The following FAM161A variants were observed in gnomAD, a reference collection of about 807,000 sequenced individuals.
FAM161A encodes the protein FAM161 centrosomal protein A, also known as protein FAM161A.
Under a neutral mutation model 70.9 loss-of-function variants are expected in FAM161A, and 57 were observed. The observed-to-expected ratio is 0.80, with a 90% CI of 0.65 to 1.00. The LOEUF (loss-of-function observed/expected upper bound fraction) is 1.00, where lower values mean the gene tolerates loss of function less well. Ranked by LOEUF, FAM161A falls within the 50% of genes least tolerant of loss-of-function variation. The probability of loss-of-function intolerance (pLI) is 0.00; values close to 1 mark genes in which losing one functional copy is unlikely to be tolerated. For synonymous variants in FAM161A, 299 were observed against 295.7 expected (o/e 1.01, Z -0.12); for missense variants, 880 against 836.0 (o/e 1.05, Z -0.65).
intron 4 of FAM161A, 126 bp from the exon 5 acceptor site, chr2:61,836,235 C>G: frequency 1.3e-6 from 1 of 761,772 alleles, no homozygotes; most frequent in Admixed American, 2.4e-5. Flanking sequence ...TTTAGCTTAG[C>G]TGACAAATCA....
At chr2:61,815,998 A>G in the FAM161A span, among the ~76,000 whole-genome samples, 4 of 152,104 alleles carry the variant, frequency 2.6e-5, no homozygotes, top group African/African-American at 4.8e-5. Flanking sequence ...TGGAAAATCA[A>G]TGTCTTTTCT....
chr2:61,826,588 T>C lies in FAM161A; in HGVS notation c.2018A>G (p.Glu673Gly). Residue 673 changes from glutamate to glycine, a missense_variant, in exon 7 of 7, where the codon GAA (glutamate) becomes GGA (glycine). By Grantham distance (98) the Glu-to-Gly change is moderately conservative (BLOSUM62 -2). Transcript: ENST00000404929. ...VTEDKESFNE[E>G]EKIEERENGE... ...ATTCTCTCTTTCTTCTATTTTTTCT[T>C]CTTCATTAAAGCTAGGGGAAGAAAT... 1.2e-6 allele frequency: 2 copies of C among 1,602,610 alleles called. No homozygotes were observed. The highest frequency in any genetic ancestry group is 1.7e-6 in the Non-Finnish European group (2 of 1,172,024).
chr2:61,850,790 C>A (rs7601630), intron 1 of FAM161A, among the ~76,000 whole-genome samples: 149,043 of 152,292 alleles, frequency 0.98, 72,941 homozygotes, highest in East Asian at 1. Context: ...AGAAGAAAAA[C>A]AATAGGTTCT....
At chr2:61,819,999 T>C (rs1413340127), downstream of FAM161A, among the ~76,000 whole-genome samples, 3 of 152,182 alleles carry the variant, frequency 2.0e-5, no homozygotes, top group Non-Finnish European at 4.4e-5. Flanking sequence ...CTAAGAGAAG[T>C]AAATGATGGA....
chr2:61,830,940 CTT>C (rs1379393694), intron 5 of FAM161A, among the ~76,000 whole-genome samples: 4 of 151,544 alleles, frequency 2.6e-5, no homozygotes, highest in African/African-American at 9.7e-5. Context: ...GAAACTTCGT[CTT>C]GACTAAAAAT....
chr2:61,852,655 G>T (rs1355396484), intron 1 of FAM161A, among the ~76,000 whole-genome samples: 2 of 152,038 alleles, frequency 1.3e-5, no homozygotes, highest in African/African-American at 4.8e-5. Flanking sequence ...GAACAAAATC[G>T]GTCCTAGCAC....
intron 2 of FAM161A, among the ~76,000 whole-genome samples, chr2:61,841,210 G>T (rs1352809912): frequency 6.6e-6 from 1 of 152,050 alleles, no homozygotes; most frequent in Non-Finnish European, 1.5e-5. Context: ...GAAACTTTTT[G>T]ATAATTCCTC....
chr2:61,851,704 T>C (rs1300716121), intron 1 of FAM161A, among the ~76,000 whole-genome samples: 1 of 150,978 alleles, frequency 6.6e-6, no homozygotes, highest in African/African-American at 2.4e-5. Context: ...TGACTAAGGC[T>C]AGATTCAAGG....
chr2:61,850,026 C>T (rs1673444275), intron 1 of FAM161A, among the ~76,000 whole-genome samples: 1 of 152,090 alleles, frequency 6.6e-6, no homozygotes, highest in South Asian at 2.1e-4. Flanking sequence ...TATTGGGTAC[C>T]ATGCTCACTA....
In FAM161A at chr2:61,845,773, C is replaced by T. The variant is rs142996732; in HGVS notation, c.184-3413G>A. Among the ~76,000 whole-genome samples, 669 of 149,398 alleles carry T rather than the reference C, an allele frequency of 4.5e-3. 5 individuals carry two copies. The highest frequency in any genetic ancestry group is 7.0e-3 in the Middle Eastern group (2 of 286). Reference sequence around the variant, plus strand: ...GCGCGCCACTGCACTTGAGCCTGGGCGACAGAGTGAGACCTTGTATCAAGA... The same window carrying T: ...GCGCGCCACTGCACTTGAGCCTGGGTGACAGAGTGAGACCTTGTATCAAGA... On this transcript the variant is annotated intron_variant, in intron 1 of 6. Transcript: ENST00000404929.
Position 61,825,525 on chromosome 2 carries a change from A to T in FAM161A, c.*930T>A. Reference sequence around the variant, plus strand: ...CCTAATAATTTACAAATCAAAAATAATTTGGACTAGAACTAAGGATAAAAA... The same window carrying T: ...CCTAATAATTTACAAATCAAAAATATTTTGGACTAGAACTAAGGATAAAAA... On this transcript the variant is annotated 3_prime_UTR_variant, in exon 7 of 7. Transcript: ENST00000404929. 2.3e-6 allele frequency: 1 copy of T among 442,056 alleles called. No homozygotes were observed. Among genetic ancestry groups the T allele is most frequent in the Non-Finnish European group, 4.5e-6 (1 of 223,690 alleles). The allele number at this position is 442,056 out of a possible 1,614,324, so 27.4% of individuals were successfully genotyped here.
At chr2:61,811,559 A>T in the FAM161A span, among the ~76,000 whole-genome samples, 1 of 152,034 alleles carries the variant, frequency 6.6e-6, no homozygotes, top group Non-Finnish European at 1.5e-5. Flanking sequence ...TTTTTAGTAG[A>T]GACTAGTTTC....
At chr2:61,808,637 G>A in the FAM161A span, among the ~76,000 whole-genome samples, 1 of 152,102 alleles carries the variant, frequency 6.6e-6, no homozygotes, top group Non-Finnish European at 1.5e-5. Flanking sequence ...TTTAGGCATA[G>A]AATACAGTAT....
chr2:61,829,724 A>T (rs1327278128), intron 5 of FAM161A, among the ~76,000 whole-genome samples: 6 of 152,234 alleles, frequency 3.9e-5, no homozygotes, highest in African/African-American at 1.4e-4. Flanking sequence ...GTAAGCCTTC[A>T]TCTGACTTTG....
At chr2:61,832,917 A>G (rs2105068747) in intron 5 of FAM161A, among the ~76,000 whole-genome samples, 1 of 152,296 alleles carries the variant, frequency 6.6e-6, no homozygotes, top group Non-Finnish European at 1.5e-5. Context: ...CTAGAGAGAA[A>G]CCATTCCAAA....
rs142893615 is a variant in FAM161A at position 61,852,532 on chromosome 2, A to C, written c.183+1327T>G. Among the ~76,000 whole-genome samples the C allele has an allele frequency of 2.0e-3, 300 of 152,236 alleles. 1 individual carries two copies. The highest frequency in any genetic ancestry group is 3.9e-3 in the African/African-American group (164 of 41,574). ...AGGTTTAAGGAAATTATGTCCTAAC[A>C]CCACCTAGGAAGTGGCAGGGAATGG... is the stretch of plus-strand genomic sequence containing the variant. On this transcript the variant is annotated intron_variant, in intron 1 of 6. Coordinates refer to ENST00000404929, the MANE Select transcript of FAM161A (RefSeq NM_001201543.2).
At chr2:61,833,287 A>C in intron 5 of FAM161A, among the ~76,000 whole-genome samples, 1 of 152,076 alleles carries the variant, frequency 6.6e-6, no homozygotes, top group East Asian at 1.9e-4. Flanking sequence ...TTAGCTAGGC[A>C]CGGTGGCGCG....
intron 5 of FAM161A, chr2:61,835,562 C>G (rs1291578671): frequency 6.5e-6 from 1 of 154,722 alleles, no homozygotes; most frequent in Admixed American, 6.4e-5. Flanking sequence ...TATCATGAAG[C>G]CTCATCTTAA....
At position 61,826,393 on chromosome 2, in the gene FAM161A, C is replaced by A. The variant is rs752553986; in HGVS notation, c.*62G>T. On this transcript the variant is annotated 3_prime_UTR_variant, in exon 7 of 7. Transcript: ENST00000404929. Reference sequence around the variant, plus strand: ...CCCACAGATGTTCTAAACACAAATGCGGCTGCTGACACCCTGACGCTGCAA... The same window carrying A: ...CCCACAGATGTTCTAAACACAAATGAGGCTGCTGACACCCTGACGCTGCAA... The A allele has an allele frequency of 2.5e-6, 4 of 1,568,926 alleles. No individual in the cohort carries two copies. Among genetic ancestry groups the A allele is most frequent in the South Asian group, 2.3e-5 (2 of 88,224 alleles).
Sources: allele counts gnomAD v4.1 joint callset (sites outside exome capture counted in the v4.1 genomes callset), GRCh38; gene constraint gnomAD v4.1.1; transcripts MANE v1.5; gene names NCBI Gene and HGNC (gene_info 2026-07-23, HGNC 2026-07-21).